BMERB1: variants seen among roughly 807,000 people sequenced by gnomAD.
The protein encoded by BMERB1 is bMERB domain-containing protein 1.
A neutral mutation model predicts 23.6 loss-of-function variants in BMERB1; 12 were observed. That is an observed-to-expected ratio of 0.51 (90% CI 0.33 to 0.82). The LOEUF is 0.82. Ranked by LOEUF, BMERB1 falls within the 40% of genes least tolerant of loss-of-function variation. The pLI is 0.03. For missense variants in BMERB1, 247 were observed against 255.4 expected (o/e 0.97, Z 0.22); for synonymous variants, 122 against 96.6 (o/e 1.26, Z -1.54).
At chr16:15,541,434 T>G (rs2052078637) in intron 2 of BMERB1, among the ~76,000 whole-genome samples, 2 of 144,912 alleles carry the variant, frequency 1.4e-5, no homozygotes, top group East Asian at 2.0e-4. Context: ...TTTTTTTTTT[T>G]TTTTTTTTTT....
chr16:15,496,077 C>T (rs993425290), intron 1 of BMERB1, among the ~76,000 whole-genome samples: 6 of 144,088 alleles, frequency 4.2e-5, no homozygotes, highest in South Asian at 2.1e-4. Flanking sequence ...TGACAGTGAT[C>T]GTGATGATGG....
chr16:15,489,302 A>G (rs2051396340), intron 1 of BMERB1, among the ~76,000 whole-genome samples: 1 of 152,320 alleles, frequency 6.6e-6, no homozygotes, highest in Admixed American at 6.5e-5. Flanking sequence ...TCCATTGCAC[A>G]TGAGGACATC....
intron 2 of BMERB1, among the ~76,000 whole-genome samples, chr16:15,539,488 T>C (rs2150962266): frequency 6.6e-6 from 1 of 152,272 alleles, no homozygotes; most frequent in South Asian, 2.1e-4. Context: ...TGGTCCAGTT[T>C]TTCCCAAAGT....
At chr16:15,566,463 A>G (rs2150971544) in intron 2 of BMERB1, among the ~76,000 whole-genome samples, 1 of 152,308 alleles carries the variant, frequency 6.6e-6, no homozygotes, top group South Asian at 2.1e-4. Context: ...ATGTCTATGA[A>G]TAGGGGAATA....
intron 1 of BMERB1, among the ~76,000 whole-genome samples, chr16:15,442,208 G>A (rs1489119430): frequency 1.3e-5 from 2 of 152,008 alleles, no homozygotes; most frequent in Non-Finnish European, 2.9e-5. Flanking sequence ...GCGCATGCCT[G>A]TAATCCTAGC....
intron 2 of BMERB1, among the ~76,000 whole-genome samples, chr16:15,519,087 A>ACACACGCG (rs1555510667): frequency 2.0e-5 from 3 of 146,772 alleles, no homozygotes; most frequent in African/African-American, 8.0e-5. Flanking sequence ...ACACACACAC[A>ACACACGCG]CACACACACA....
At chr16:15,557,897 T>C (rs778352332) in intron 2 of BMERB1, among the ~76,000 whole-genome samples, 11 of 151,984 alleles carry the variant, frequency 7.2e-5, no homozygotes, top group Non-Finnish European at 1.6e-4. Flanking sequence ...ATACAAAAAT[T>C]AGCCAGGCTT....
At position 15,544,779 on chromosome 16, in the gene BMERB1, T is replaced by G. The variant is rs148229429; in HGVS notation, c.231-23204T>G. 4.4e-3 allele frequency among the ~76,000 whole-genome samples: 671 copies of G among 152,320 alleles called. 10 individuals are homozygous for G. The highest frequency in any genetic ancestry group is 0.017 in the Middle Eastern group (5 of 294). On this transcript the variant is annotated intron_variant, in intron 2 of 5. Coordinates refer to ENST00000300006, the MANE Select transcript of BMERB1 (RefSeq NM_033201.3). ...CAATAGCCCCATTTCCTAGCTCATA[T>G]GAGTGACTGCTAGTTCTCCATCAAT...
At position 15,508,921 on chromosome 16, in the gene BMERB1, G is replaced by A. The variant is rs532291561; in HGVS notation, c.107-6384G>A. 1.1e-4 allele frequency among the ~76,000 whole-genome samples: 17 copies of A among 151,510 alleles called. 1 individual carries two copies. In the South Asian group the frequency reaches 2.9e-3, roughly 26 times the overall value. ...GCTCATGGCAAGAAAGGATTCTAAC[G>A]ATTTGTATCTGATTCAAGCTTTAGG... On this transcript the variant is annotated intron_variant, in intron 1 of 5. Coordinates refer to ENST00000300006, the MANE Select transcript of BMERB1 (RefSeq NM_033201.3).
chr16:15,566,085 T>TGCC (rs2030555059), intron 2 of BMERB1, among the ~76,000 whole-genome samples: 1 of 152,166 alleles, frequency 6.6e-6, no homozygotes, highest in Non-Finnish European at 1.5e-5. Context: ...AAAGCCAGCC[T>TGCC]TAGTAATCAA....
intron 2 of BMERB1, among the ~76,000 whole-genome samples, chr16:15,528,956 A>T (rs1391831827): frequency 2.0e-5 from 3 of 152,132 alleles, no homozygotes. Flanking sequence ...CTCACCAGAC[A>T]CTGAATCTGC....
intron 2 of BMERB1, among the ~76,000 whole-genome samples, chr16:15,521,288 A>C (rs1174108175): frequency 6.6e-6 from 1 of 152,184 alleles, no homozygotes; most frequent in Non-Finnish European, 1.5e-5. Flanking sequence ...CAGAGACCAA[A>C]ATGATGAGCT....
At chr16:15,478,543 T>C (rs1598461551) in intron 1 of BMERB1, among the ~76,000 whole-genome samples, 1 of 152,300 alleles carries the variant, frequency 6.6e-6, no homozygotes, top group African/African-American at 2.4e-5. Flanking sequence ...GGTGTGACAG[T>C]GATTTTCAAA....
At chr16:15,523,567 C>T (rs964377623) in intron 2 of BMERB1, among the ~76,000 whole-genome samples, 2 of 152,152 alleles carry the variant, frequency 1.3e-5, no homozygotes, top group African/African-American at 4.8e-5. Context: ...TGGTCTCAGT[C>T]ATCAAGCTGT....
At chr16:15,571,723 C>T (rs2030732127) in intron 3 of BMERB1, among the ~76,000 whole-genome samples, 1 of 152,158 alleles carries the variant, frequency 6.6e-6, no homozygotes, top group Non-Finnish European at 1.5e-5. Context: ...TTCCCAGGGG[C>T]CTCCCTCACC....
intron 2 of BMERB1, among the ~76,000 whole-genome samples, chr16:15,561,617 G>C (rs2030424243): frequency 1.3e-5 from 2 of 152,118 alleles, no homozygotes; most frequent in African/African-American, 4.8e-5. Flanking sequence ...TAAAGGCCAA[G>C]GGTGGTGGCT....
intron 1 of BMERB1, among the ~76,000 whole-genome samples, chr16:15,498,409 ACCT>A (rs1354472953): frequency 6.6e-6 from 1 of 152,062 alleles, no homozygotes; most frequent in East Asian, 1.9e-4. Flanking sequence ...CTGTAGTCCC[ACCT>A]ATTCAGGAGG....
intron 2 of BMERB1, among the ~76,000 whole-genome samples, chr16:15,566,422 T>C (rs1012691207): frequency 1.3e-5 from 2 of 152,238 alleles, no homozygotes; most frequent in Admixed American, 1.3e-4. Flanking sequence ...TCTATGAATC[T>C]ATCCTAGAAA....
intron 1 of BMERB1, among the ~76,000 whole-genome samples, chr16:15,472,162 T>C (rs1309731141): frequency 2.6e-5 from 4 of 152,194 alleles, no homozygotes; most frequent in Non-Finnish European, 5.9e-5. Context: ...TTGGGGATTG[T>C]TTTTTGGCCG....
Sources: allele counts gnomAD v4.1 joint callset (sites outside exome capture counted in the v4.1 genomes callset), GRCh38; gene constraint gnomAD v4.1.1; transcripts MANE v1.5; gene names NCBI Gene and HGNC (gene_info 2026-07-23, HGNC 2026-07-21).